STOX2: variants seen among roughly 807,000 people sequenced by gnomAD.
The protein encoded by STOX2 is storkhead-box protein 2.
Under a neutral mutation model 60.9 loss-of-function variants are expected in STOX2, and 28 were observed. That is an observed-to-expected ratio of 0.46 (90% CI 0.34 to 0.63). STOX2 has a LOEUF of 0.63. STOX2 is among the 30% of genes least tolerant of loss of function. The pLI, the probability that STOX2 is intolerant of heterozygous loss-of-function variation, is 0.01. For missense variants in STOX2, 1,024 were observed against 1,187.7 expected, an observed-to-expected ratio of 0.86 and a Z score of 2.03; for synonymous variants, 472 against 463.9, an observed-to-expected ratio of 1.02 and a Z score of -0.22.
chr4:183,903,401 T>C (rs771783182), upstream of STOX2, among the ~76,000 whole-genome samples: 49 of 152,314 alleles, frequency 3.2e-4, no homozygotes, highest in Middle Eastern at 6.8e-3. Context: ...CCTCATGCTG[T>C]AGGTCTCAGC....
intron 1 of STOX2, among the ~76,000 whole-genome samples, chr4:183,888,156 A>G (rs1220174648): frequency 5.9e-5 from 9 of 152,076 alleles, no homozygotes; most frequent in South Asian, 2.1e-4. Flanking sequence ...GAGACCTTCA[A>G]TTGTCTTTCA....
At chr4:183,993,970 G>A (rs1733224443) in intron 1 of STOX2, among the ~76,000 whole-genome samples, 1 of 152,164 alleles carries the variant, frequency 6.6e-6, no homozygotes, top group Non-Finnish European at 1.5e-5. Flanking sequence ...AAAAAATACT[G>A]TAGTAGGCCT....
chr4:183,958,110 CA>C (rs1208549756), intron 1 of STOX2, among the ~76,000 whole-genome samples: 2 of 151,816 alleles, frequency 1.3e-5, no homozygotes, highest in Non-Finnish European at 2.9e-5. Flanking sequence ...TGGTTTCTTT[CA>C]GGGGGGATGG....
intron 1 of STOX2, among the ~76,000 whole-genome samples, chr4:183,813,187 C>T (rs1230002718): frequency 2.6e-5 from 4 of 152,048 alleles, no homozygotes; most frequent in Non-Finnish European, 5.9e-5. Flanking sequence ...AGTTGGAGAC[C>T]AGTGTGTCCA....
intron 1 of STOX2, among the ~76,000 whole-genome samples, chr4:183,980,459 C>T (rs756246796): frequency 7.9e-5 from 12 of 152,146 alleles, no homozygotes; most frequent in Non-Finnish European, 1.6e-4. Context: ...AGGAGTCTGT[C>T]CCCGGATACG....
At chr4:183,939,911 A>AT (rs1052378227) in intron 1 of STOX2, among the ~76,000 whole-genome samples, 19 of 151,980 alleles carry the variant, frequency 1.3e-4, no homozygotes, top group African/African-American at 4.4e-4. Context: ...TAAAGATAGC[A>AT]TTTTTTTCTT....
At chr4:183,839,099 G>C (rs1164296774) in intron 1 of STOX2, among the ~76,000 whole-genome samples, 6 of 152,080 alleles carry the variant, frequency 3.9e-5, no homozygotes, top group Admixed American at 6.5e-5. Flanking sequence ...GAGACCCAGG[G>C]AAGAGTGGGT....
intron 3 of STOX2, chr4:184,015,106 T>C (rs1483900006): frequency 6.6e-6 from 1 of 152,238 alleles, no homozygotes; most frequent in Non-Finnish European, 1.5e-5. Context: ...GATGCTTACT[T>C]CTTCTTCACA....
Position 183,920,969 on chromosome 4 carries a change from G to A in STOX2, c.166+14013G>A, listed in dbSNP as rs138669954. Among the ~76,000 whole-genome samples the A allele has an allele frequency of 5.2e-3, 791 of 152,218 alleles. 20 individuals carry two copies. The highest frequency in any genetic ancestry group is 0.036 in the Admixed American group (554 of 15,294). On this transcript the variant is annotated intron_variant, in intron 1 of 3. Coordinates refer to ENST00000308497, the MANE Select transcript of STOX2 (RefSeq NM_020225.3). ...AAGTCTCAAACATAAACATAATTTC[G>A]TTCATTTGCAAATCATCTTCTTTTG...
At chr4:183,973,518 G>A (rs781000501) in intron 1 of STOX2, among the ~76,000 whole-genome samples, 58 of 152,070 alleles carry the variant, frequency 3.8e-4, no homozygotes, top group Non-Finnish European at 6.2e-4. Context: ...ATTTATATAC[G>A]AAGGTAAAAA....
chr4:183,907,002 C>A (rs371844183), intron 1 of STOX2, 46 bp downstream of exon 1: 2 of 1,465,360 alleles, frequency 1.4e-6, no homozygotes, highest in Non-Finnish European at 9.2e-7. Flanking sequence ...GGCCGCGGGA[C>A]GTGCTCGGTA....
chr4:183,907,069 T>C, intron 1 of STOX2, 113 bp downstream of exon 1: 2 of 939,968 alleles, frequency 2.1e-6, no homozygotes, highest in Non-Finnish European at 3.1e-6. Flanking sequence ...CGATAAGTTA[T>C]GGGGAAAGCA....
At position 184,009,993 on chromosome 4, in the gene STOX2, C is replaced by T. The variant is rs777767189; in HGVS notation, c.1155C>T (p.Asp385=). 1.8e-5 allele frequency: 29 copies of T among 1,613,734 alleles called. 1 individual carries two copies. Among genetic ancestry groups the T allele is most frequent in the Middle Eastern group, 1.6e-4 (1 of 6,084 alleles). The change falls in exon 3 of 4, where the codon GAC becomes GAT. Residue 385 remains aspartate (D), a synonymous_variant. Coordinates refer to ENST00000308497, the MANE Select transcript of STOX2 (RefSeq NM_020225.3). The surrounding 1 kb of genome is among the most constrained non-coding windows in gnomAD (Gnocchi z 4.0). The part of the protein sequence containing the change: ...KTRVSKGDPS[D]GSHLDIPAER... The stretch of plus-strand genomic sequence containing the variant: ...GGGTGTCTAAAGGAGACCCTTCCGA[C>T]GGTTCACATCTGGATATCCCAGCTG...
intron 1 of STOX2, among the ~76,000 whole-genome samples, chr4:183,978,778 A>G (rs1389388323): frequency 2.0e-5 from 3 of 152,174 alleles, no homozygotes; most frequent in Admixed American, 2.0e-4. Context: ...AAAATAACAT[A>G]CCAGTGGTTT....
chr4:183,891,031 G>A (rs1486929010), intron 1 of STOX2, among the ~76,000 whole-genome samples: 1 of 151,886 alleles, frequency 6.6e-6, no homozygotes, highest in Non-Finnish European at 1.5e-5. Flanking sequence ...GATTGCTTGA[G>A]CCCAGGTAGT....
At chr4:183,895,973 T>A (rs1406088106) in intron 1 of STOX2, among the ~76,000 whole-genome samples, 1 of 152,180 alleles carries the variant, frequency 6.6e-6, no homozygotes, top group Non-Finnish European at 1.5e-5. Context: ...CTGACCTGGG[T>A]TTGAATCCTG....
At chr4:183,872,500 AT>A (rs1387840065) in intron 1 of STOX2, among the ~76,000 whole-genome samples, 3 of 152,242 alleles carry the variant, frequency 2.0e-5, no homozygotes, top group Non-Finnish European at 4.4e-5. Flanking sequence ...TTAAAAAAAA[AT>A]CACAAGTGTG....
chr4:183,859,592 C>T (rs1048180058), intron 1 of STOX2, among the ~76,000 whole-genome samples: 1 of 152,224 alleles, frequency 6.6e-6, no homozygotes, highest in Non-Finnish European at 1.5e-5. Flanking sequence ...AACAGGCTTA[C>T]GGAGCCATCT....
At chr4:183,843,413 A>T (rs1482669909) in intron 1 of STOX2, among the ~76,000 whole-genome samples, 3 of 152,206 alleles carry the variant, frequency 2.0e-5, no homozygotes, top group Non-Finnish European at 4.4e-5. Context: ...CAATTTTTAG[A>T]CTTGTTCAGC....
Sources: gnomAD v4.1 joint callset for allele counts (sites outside exome capture counted in the v4.1 genomes callset) on GRCh38, gnomAD v4.1.1 for gene constraint, Gnocchi (gnomAD v3.1) non-coding constraint, MANE v1.5 for transcripts, NCBI Gene and HGNC (gene_info 2026-07-23, HGNC 2026-07-21) for gene names.